The following ATP13A4 variants were observed in gnomAD, a reference collection of about 807,000 sequenced individuals.
The protein encoded by ATP13A4 is probable cation-transporting ATPase 13A4.
Under a neutral mutation model 142.5 loss-of-function variants are expected in ATP13A4, and 114 were observed. The ratio of observed to expected loss-of-function variants is 0.80; its 90% confidence interval spans 0.69 to 0.93. The LOEUF (loss-of-function observed/expected upper bound fraction) is 0.93. Ranked by LOEUF, ATP13A4 falls within the 40% of genes least tolerant of loss-of-function variation. The probability of loss-of-function intolerance (pLI) is 0.00; values close to 1 mark genes in which losing one functional copy is unlikely to be tolerated. For missense variants in ATP13A4, 1,392 were observed against 1,454.0 expected (o/e 0.96, Z 0.69); for synonymous variants, 488 against 514.8 (o/e 0.95, Z 0.70).
At chr3:193,441,737 G>A in intron 19 of ATP13A4, 149 bp from the exon 20 acceptor site, 1 of 916,352 alleles carries the variant, frequency 1.1e-6, no homozygotes, top group East Asian at 2.6e-5. Flanking sequence ...TCTTTTTGCT[G>A]GATCAATCTT....
chr3:193,538,495 A>AC (rs1722702654), intron 1 of ATP13A4, among the ~76,000 whole-genome samples: 1 of 140,966 alleles, frequency 7.1e-6, no homozygotes, highest in Non-Finnish European at 1.6e-5. Context: ...AAGAATCCAC[A>AC]TTAAAAAAAA....
chr3:193,554,273 C>T (rs2108731903), intron 1 of ATP13A4: 1 of 205,540 alleles, frequency 4.9e-6, no homozygotes, highest in South Asian at 8.7e-5. Flanking sequence ...GTCCAACAGA[C>T]TCGGTGAACA....
intron 28 of ATP13A4, among the ~76,000 whole-genome samples, chr3:193,409,699 A>G (rs1177701826): frequency 1.3e-5 from 2 of 152,246 alleles, no homozygotes; most frequent in Non-Finnish European, 2.9e-5. Flanking sequence ...TTACAAAAAT[A>G]AGAAGACTCA....
In ATP13A4 at chr3:193,510,047, T is replaced by A. The variant is rs371544738; in HGVS notation, c.234+4651A>T. 3.3e-5 allele frequency among the ~76,000 whole-genome samples: 5 copies of A among 152,126 alleles called. No homozygotes were observed. The East Asian group carries it at 9.7e-4, about 29-fold the overall frequency. On this transcript the variant is annotated intron_variant, in intron 2 of 29. Coordinates refer to ENST00000342695, the MANE Select transcript of ATP13A4 (RefSeq NM_032279.4). ...GAATTATCAGAAGAAACTTTATGGGTAAAAGCAGGCACAAAACAGTGTCTT... is the reference window on the plus strand; with the variant it reads ...GAATTATCAGAAGAAACTTTATGGGAAAAAGCAGGCACAAAACAGTGTCTT...
At chr3:193,440,364 C>A (rs374041244) in intron 21 of ATP13A4, 194 bp downstream of exon 21, 57 of 1,087,264 alleles carry the variant, frequency 5.2e-5, no homozygotes, top group Non-Finnish European at 6.7e-5. Flanking sequence ...ATATAAACAA[C>A]TGAATCAGGA....
chr3:193,512,059 G>A (rs1006832260), intron 2 of ATP13A4, among the ~76,000 whole-genome samples: 1 of 151,926 alleles, frequency 6.6e-6, no homozygotes, highest in South Asian at 2.1e-4. Context: ...CAGAGAGCAC[G>A]GCTCAGCTGA....
chr3:193,562,656 G>C (rs779591991), intron 2 of ATP13A4, among the ~76,000 whole-genome samples: 1 of 152,124 alleles, frequency 6.6e-6, no homozygotes, highest in Non-Finnish European at 1.5e-5. Flanking sequence ...CAGATGATGA[G>C]GTCAGGAGTT....
At chr3:193,549,861 A>T (rs900506635) in intron 1 of ATP13A4, among the ~76,000 whole-genome samples, 18 of 152,240 alleles carry the variant, frequency 1.2e-4, no homozygotes, top group African/African-American at 4.1e-4. Context: ...CATATTTCTA[A>T]GTATATGTAT....
chr3:193,564,468 G>A lies in ATP13A4; in HGVS notation n.291+17239C>T, dbSNP rs572405586. Reference sequence around the variant, plus strand: ...TATCTGACTGTTTATCATGTAAGGTGGGATTGACACTAATCTGGTGATTCC... The same window carrying A: ...TATCTGACTGTTTATCATGTAAGGTAGGATTGACACTAATCTGGTGATTCC... On this transcript the variant is annotated intron_variant and non_coding_transcript_variant, in intron 2 of 3. Coordinates refer to the ATP13A4 transcript ENST00000489140. Among the ~76,000 whole-genome samples the A allele has an allele frequency of 1.6e-4, 24 of 152,294 alleles. 1 individual carries two copies. The South Asian group carries it at 5.0e-3, about 32-fold the overall frequency.
At chr3:193,538,934 C>T (rs1722736730) in intron 1 of ATP13A4, among the ~76,000 whole-genome samples, 1 of 136,332 alleles carries the variant, frequency 7.3e-6, no homozygotes, top group African/African-American at 2.7e-5. Flanking sequence ...TGGTCTTGTG[C>T]CCCAAGCTGG....
chr3:193,445,134 C>A (rs763980052), intron 18 of ATP13A4, among the ~76,000 whole-genome samples: 1 of 152,140 alleles, frequency 6.6e-6, no homozygotes, highest in Non-Finnish European at 1.5e-5. Context: ...ATGAAACCTG[C>A]TTTAAAAATA....
chr3:193,434,288 C>T (rs1313952161), intron 24 of ATP13A4, among the ~76,000 whole-genome samples: 2 of 152,118 alleles, frequency 1.3e-5, no homozygotes, highest in Admixed American at 6.5e-5. Context: ...CCCCAAGTGA[C>T]AAATGTGTGG....
intron 1 of ATP13A4, among the ~76,000 whole-genome samples, chr3:193,543,281 A>G (rs928993099): frequency 6.6e-6 from 1 of 152,220 alleles, no homozygotes; most frequent in African/African-American, 2.4e-5. Flanking sequence ...AAAAATTCAT[A>G]AATGGGATCT....
At chr3:193,428,920 C>A (rs1428980168) in intron 25 of ATP13A4, among the ~76,000 whole-genome samples, 1 of 151,732 alleles carries the variant, frequency 6.6e-6, no homozygotes, top group Non-Finnish European at 1.5e-5. Flanking sequence ...TGCACATGTA[C>A]CCTAGAACTT....
intron 18 of ATP13A4, among the ~76,000 whole-genome samples, chr3:193,443,427 G>T (rs908506554): frequency 2.0e-5 from 3 of 152,116 alleles, no homozygotes; most frequent in Admixed American, 6.6e-5. Flanking sequence ...CATAGCAAAA[G>T]ATTTTATATT....
In ATP13A4 at chr3:193,458,917, T is replaced by C; in HGVS notation, c.1674+164A>G. 3 of 872,038 alleles carry C rather than the reference T, an allele frequency of 3.4e-6. No individual in the cohort carries two copies. In the South Asian group the frequency reaches 4.0e-5, roughly 12 times the overall value. 54.0% of individuals were successfully genotyped at this position (872,038 alleles called of 1,614,324 possible). On this transcript the variant is annotated intron_variant, in intron 14 of 29. Transcript: ENST00000342695. ...TATGTAGATGCTATTATTAGCTTCA[T>C]TGCACAGATGAGGAAACCAGCCTTA...
chr3:193,427,691 A>G (rs1715740899), intron 25 of ATP13A4, among the ~76,000 whole-genome samples: 1 of 152,220 alleles, frequency 6.6e-6, no homozygotes, highest in South Asian at 2.1e-4. Context: ...AAATGGGGAA[A>G]TGATTCCCTA....
At chr3:193,466,301 A>C (rs1336096402) in intron 10 of ATP13A4, 119 bp from the exon 11 acceptor site, 2 of 1,255,538 alleles carry the variant, frequency 1.6e-6, no homozygotes, top group Non-Finnish European at 2.3e-6. Flanking sequence ...TTAAGCTCAA[A>C]GGCAATTGAA....
chr3:193,435,851 T>A, intron 23 of ATP13A4, 107 bp from the exon 24 acceptor site: 1 of 947,446 alleles, frequency 1.1e-6, no homozygotes, highest in Non-Finnish European at 1.7e-6. Context: ...CAAAAGTCAT[T>A]ATACGACTGT....
Sources: gnomAD v4.1 joint callset for allele counts (sites outside exome capture counted in the v4.1 genomes callset) on GRCh38, gnomAD v4.1.1 for gene constraint, MANE v1.5 for transcripts, NCBI Gene and HGNC (gene_info 2026-07-23, HGNC 2026-07-21) for gene names.